The following ASXL2 variants were observed in gnomAD, a reference collection of about 807,000 sequenced individuals.
ASXL2 encodes the protein putative Polycomb group protein ASXL2.
Under a neutral mutation model 122.0 loss-of-function variants are expected in ASXL2, and 23 were observed. The observed-to-expected ratio is 0.19, with a 90% CI of 0.14 to 0.27. ASXL2 has a LOEUF of 0.27. Among genes scored for constraint, ASXL2 ranks in the 10% least tolerant of loss-of-function variants. The probability of loss-of-function intolerance (pLI) is 1.00; values close to 1 mark genes in which losing one functional copy is unlikely to be tolerated. For synonymous variants in ASXL2, 650 were observed against 637.0 expected (o/e 1.02, Z -0.31); for missense variants, 1,518 against 1,713.8 (o/e 0.89, Z 2.02).
In ASXL2 at chr2:25,735,076, C is replaced by G. The variant is rs2087713643; in HGVS notation, c.*6953G>C. 6.6e-6 allele frequency: 1 copy of G among 152,174 alleles called. No individual in the cohort carries two copies. 9.4% of individuals were successfully genotyped at this position (152,174 alleles called of 1,614,324 possible). On this transcript the variant is annotated 3_prime_UTR_variant, in exon 13 of 13. Transcript: ENST00000435504. ...AGCACGAAAAGCAAGGTTGCAGTTA[C>G]TTTTCAGGAAAACCCACTATTTAGC...
rs1382587457 is a variant in ASXL2, at chr2:25,742,497, C to T, written c.3840G>A (p.Lys1280=). ...AAAGCTCGGGGCTGCTACGGATTGCCTTACCTCTCACTGCATGAGCCATCT... is the reference window on the plus strand; with the variant it reads ...AAAGCTCGGGGCTGCTACGGATTGCTTTACCTCTCACTGCATGAGCCATCT... ...QKQMAHAVRG[K]AIRSSPELFS... Residue 1280 remains lysine (K), a synonymous_variant, in exon 13 of 13, where the codon AAG becomes AAA. Coordinates refer to ENST00000435504, the MANE Select transcript of ASXL2 (RefSeq NM_018263.6). 6.8e-6 allele frequency: 11 copies of T among 1,613,792 alleles called. No homozygotes were observed. Among genetic ancestry groups the T allele is most frequent in the African/African-American group, 6.7e-5 (5 of 74,922 alleles).
In ASXL2 at chr2:25,769,665, TA is replaced by T. The variant is rs60243403; in HGVS notation, c.505-798del. ...GCAACTTTTAACTTAAGGTTTTCTT[TA>T]AAAAAAAAAAAAGAAAAAGAAACGA... On this transcript the variant is annotated intron_variant, in intron 6 of 12. Coordinates refer to ENST00000435504, the MANE Select transcript of ASXL2 (RefSeq NM_018263.6). Among the ~76,000 whole-genome samples, 325 of 141,068 alleles carry T rather than the reference TA, an allele frequency of 2.3e-3. 1 individual carries two copies. The highest frequency in any genetic ancestry group is 7.0e-3 in the Middle Eastern group (2 of 286). 92.5% of individuals were successfully genotyped at this position (141,068 alleles called of 152,430 possible). A position where few individuals can be genotyped will look rare whatever the true frequency, so the allele number is the denominator to read the frequency against.
rs375457358 is a variant in ASXL2 at position 25,743,829 on chromosome 2, T to C, written c.2508A>G (p.Thr836=). The C allele has an allele frequency of 6.2e-7, 1 of 1,614,044 alleles. No individual in the cohort carries two copies. Among genetic ancestry groups the C allele is most frequent in the South Asian group, 1.1e-5 (1 of 91,088 alleles). The part of the protein sequence containing the change: ...SCRQEKAPSP[T]GPALISGASP... Reference sequence around the variant, plus strand: ...AGGCACCTGAGATTAGAGCAGGACCTGTTGGAGAAGGTGCTTTCTCCTGTC... The same window carrying C: ...AGGCACCTGAGATTAGAGCAGGACCCGTTGGAGAAGGTGCTTTCTCCTGTC... The change falls in exon 13 of 13, where the codon ACA becomes ACG. Residue 836 remains threonine, a synonymous_variant. Coordinates refer to ENST00000435504, the MANE Select transcript of ASXL2 (RefSeq NM_018263.6).
At chr2:25,875,567 C>T (rs974985635) in intron 1 of ASXL2, among the ~76,000 whole-genome samples, 1 of 151,942 alleles carries the variant, frequency 6.6e-6, no homozygotes, top group African/African-American at 2.4e-5. Context: ...TGTAGCTCTC[C>T]CACATAAACA....
At chr2:25,759,434 T>C (rs2088199575) in intron 9 of ASXL2, 48 bp downstream of exon 9, 1 of 1,566,254 alleles carries the variant, frequency 6.4e-7, no homozygotes, top group South Asian at 1.2e-5. Flanking sequence ...ACTTTACAAG[T>C]ATACATAAAC....
intron 5 of ASXL2, among the ~76,000 whole-genome samples, chr2:25,777,441 A>G (rs2088563686): frequency 6.6e-6 from 1 of 152,062 alleles, no homozygotes; most frequent in Non-Finnish European, 1.5e-5. Context: ...GGAGTTCGAC[A>G]CCAGCCTAGG....
In ASXL2 at chr2:25,759,508, A is replaced by G. The variant is rs2149146370; in HGVS notation, c.913T>C (p.Leu305=). The change falls in exon 9 of 13, where the codon TTA becomes CTA. Residue 305 remains leucine (L), a synonymous_variant. Coordinates refer to ENST00000435504, the MANE Select transcript of ASXL2 (RefSeq NM_018263.6). The stretch of plus-strand genomic sequence containing the variant: ...TGTCGATCTACCTCTGGGAGTAGTA[A>G]AAGCAGTCGTTGCTGGCAATCTCCA... ...LPGDCQQRLL[L]LLPEVDRQVG... is the part of the protein sequence containing the mutation. 2 of 1,613,944 alleles carry G rather than the reference A, an allele frequency of 1.2e-6. No homozygotes were observed. The highest frequency in any genetic ancestry group is 2.2e-5 in the South Asian group (2 of 91,084).
intron 11 of ASXL2, among the ~76,000 whole-genome samples, chr2:25,751,993 A>C (rs1218841020): frequency 2.0e-5 from 3 of 152,108 alleles, no homozygotes; most frequent in African/African-American, 7.2e-5. Context: ...GTTGGTCTCG[A>C]ATTCCTGGGC....
At chr2:25,800,839 A>C (rs920809629) in intron 4 of ASXL2, among the ~76,000 whole-genome samples, 1 of 152,256 alleles carries the variant, frequency 6.6e-6, no homozygotes, top group Admixed American at 6.5e-5. Context: ...CACGCCCAAC[A>C]TAAGAGGTCA....
intron 3 of ASXL2, among the ~76,000 whole-genome samples, chr2:25,821,258 G>A (rs1332697267): frequency 1.3e-5 from 2 of 152,138 alleles, no homozygotes; most frequent in Non-Finnish European, 2.9e-5. Context: ...TCCAGAAGCT[G>A]AGATGAGAGG....
chr2:25,742,053 G>A lies in ASXL2; in HGVS notation c.4284C>T (p.Cys1428=), dbSNP rs757588385. 4.5e-5 allele frequency: 73 copies of A among 1,613,234 alleles called. No individual in the cohort carries two copies. Among genetic ancestry groups the A allele is most frequent in the South Asian group, 3.2e-4 (29 of 91,024 alleles). The change falls in exon 13 of 13, where the codon TGC becomes TGT. Residue 1428 remains cysteine, a synonymous_variant. Transcript: ENST00000435504. Reference sequence around the variant, plus strand: ...ATTACCGAACGACAAGGCAGGAGACGCACAGTTTGGAGGGGCCGATGCAAT... The same window carrying A: ...ATTACCGAACGACAAGGCAGGAGACACACAGTTTGGAGGGGCCGATGCAAT... The part of the protein sequence containing the change: ...HDDCIGPSKL[C]VSCLVVR
At chr2:25,757,607 G>A (rs776243264) in intron 9 of ASXL2, among the ~76,000 whole-genome samples, 6 of 145,110 alleles carry the variant, frequency 4.1e-5, no homozygotes, top group African/African-American at 1.5e-4. Context: ...CCCAGGAGGC[G>A]GAGGTTGCAG....
chr2:25,743,041 T>C lies in ASXL2; in HGVS notation c.3296A>G (p.Asp1099Gly), dbSNP rs2087861784. ...NFAHSGFQLE[D>G]ISTSQRFMLG... is the part of the protein sequence containing the mutation. ...CATGAACCTCTGGCTTGTGGAGATG[T>C]CTTCCAGCTGGAAACCTGAGTGAGC... The change falls in exon 13 of 13, where the codon GAC (aspartate) becomes GGC (glycine). Residue 1099 changes from aspartate to glycine, a missense_variant. Around this residue, in one of 8 missense-constraint regions of ASXL2, gnomAD observed 831 missense variants for 833.1 expected, o/e 1.00. Coordinates refer to ENST00000435504, the MANE Select transcript of ASXL2 (RefSeq NM_018263.6). 6.2e-7 allele frequency: 1 copy of C among 1,614,032 alleles called. No individual in the cohort carries two copies. The highest frequency in any genetic ancestry group is 1.3e-5 in the African/African-American group (1 of 75,050).
intron 2 of ASXL2, chr2:25,845,270 T>A (rs964210228): frequency 4.1e-6 from 3 of 729,792 alleles, no homozygotes; most frequent in Non-Finnish European, 6.8e-6. Flanking sequence ...ATAGCTACCC[T>A]CTAAGAATTG....
chr2:25,775,425 G>A (rs1318022292), intron 5 of ASXL2, among the ~76,000 whole-genome samples: 3 of 152,146 alleles, frequency 2.0e-5, no homozygotes, highest in Admixed American at 2.0e-4. Context: ...ACTTCGCTGG[G>A]CCCCAAATCT....
chr2:25,819,839 A>G (rs1312403866), intron 3 of ASXL2, among the ~76,000 whole-genome samples: 1 of 152,206 alleles, frequency 6.6e-6, no homozygotes, highest in Non-Finnish European at 1.5e-5. Context: ...TAACTATTTT[A>G]CCCTGTAGTT....
chr2:25,765,437 G>A (rs2149150992), intron 8 of ASXL2, among the ~76,000 whole-genome samples: 1 of 151,776 alleles, frequency 6.6e-6, no homozygotes, highest in East Asian at 1.9e-4. Flanking sequence ...AGTGAGCCGA[G>A]ATCGGGCCAC....
At position 25,767,629 on chromosome 2, in the gene ASXL2, T is replaced by C. The variant is rs1304548054; in HGVS notation, c.729A>G (p.Leu243=). ...TCTGGAATGACTTCTTCCCCAAGCCTAGTAAAGTATTTTCCACTTTAACTG... is the reference window on the plus strand; with the variant it reads ...TCTGGAATGACTTCTTCCCCAAGCCCAGTAAAGTATTTTCCACTTTAACTG... The part of the protein sequence containing the change: ...SSSVKVENTL[L]GLGKKSFQRS... Residue 243 remains leucine, a synonymous_variant, in exon 8 of 13, where the codon CTA becomes CTG. Coordinates refer to ENST00000435504, the MANE Select transcript of ASXL2 (RefSeq NM_018263.6). 1 of 1,613,964 alleles carries C rather than the reference T, an allele frequency of 6.2e-7. No individual in the cohort carries two copies.
intron 3 of ASXL2, among the ~76,000 whole-genome samples, chr2:25,807,986 T>TACACACACACAC (rs147273836): frequency 0.077 from 10,167 of 131,486 alleles, 445 homozygotes; most frequent in Non-Finnish European, 0.1. Context: ...AATCAGCTTT[T>TACACACACACAC]ACACACACAC....
Sources: gnomAD v4.1 joint callset for allele counts (sites outside exome capture counted in the v4.1 genomes callset) on GRCh38, gnomAD v4.1.1 for gene constraint, gnomAD v4.1.1 regional missense constraint, MANE v1.5 for transcripts, NCBI Gene and HGNC (gene_info 2026-07-23, HGNC 2026-07-21) for gene names.